KCNK13: variants seen among roughly 807,000 people sequenced by gnomAD.
The protein encoded by KCNK13 is potassium channel subfamily K member 13.
A neutral mutation model predicts 23.4 loss-of-function variants in KCNK13; 12 were observed. That is an observed-to-expected ratio of 0.51 (90% CI 0.33 to 0.83). The LOEUF (loss-of-function observed/expected upper bound fraction) is 0.83. Among genes scored for constraint, KCNK13 ranks in the 40% least tolerant of loss-of-function variants. KCNK13 has a pLI of 0.02. For missense variants in KCNK13, 463 were observed against 556.3 expected, an observed-to-expected ratio of 0.83 and a Z score of 1.69; for synonymous variants, 231 against 229.5, an observed-to-expected ratio of 1.01 and a Z score of -0.06.
chr14:90,170,913 G>C (rs1477432670), intron 1 of KCNK13, among the ~76,000 whole-genome samples: 1 of 152,136 alleles, frequency 6.6e-6, no homozygotes, highest in Non-Finnish European at 1.5e-5. Flanking sequence ...AGCTCACTAG[G>C]AATTTCCTTG....
chr14:90,099,383 A>G (rs1889448735), intron 1 of KCNK13, among the ~76,000 whole-genome samples: 1 of 152,098 alleles, frequency 6.6e-6, no homozygotes, highest in Non-Finnish European at 1.5e-5. Context: ...GGCTTTGTCA[A>G]TGTCCCAAAT....
At chr14:90,124,497 T>C (rs890566959) in intron 1 of KCNK13, among the ~76,000 whole-genome samples, 1 of 152,172 alleles carries the variant, frequency 6.6e-6, no homozygotes, top group Non-Finnish European at 1.5e-5. Context: ...GCCTTTTAGA[T>C]AGAGAAAGAG....
At chr14:90,180,547 T>G (rs1159998313) in intron 1 of KCNK13, among the ~76,000 whole-genome samples, 1 of 152,186 alleles carries the variant, frequency 6.6e-6, no homozygotes, top group East Asian at 1.9e-4. Flanking sequence ...TTCTGTTATT[T>G]TTGCTGATAG....
Position 90,062,286 on chromosome 14 carries a change from C to T in KCNK13, c.81C>T (p.Ile27=), listed in dbSNP as rs1409401164. ...NARFLLLAAL[I]VLYLLGGAAV... ...GCTTTCTGCTGCTGGCCGCGCTCAT[C>T]GTGCTCTACCTGCTGGGCGGCGCCG... The change falls in exon 1 of 2, where the codon ATC becomes ATT. Residue 27 remains isoleucine (I), a synonymous_variant. Coordinates refer to ENST00000282146, the MANE Select transcript of KCNK13 (RefSeq NM_022054.4). The surrounding 1 kb of genome is among the most constrained non-coding windows in gnomAD (Gnocchi z 4.5). 1 of 1,563,102 alleles carries T rather than the reference C, an allele frequency of 6.4e-7. No individual in the cohort carries two copies. Among genetic ancestry groups the T allele is most frequent in the South Asian group, 1.2e-5 (1 of 86,080 alleles).
rs992657565 is a variant in KCNK13, at chr14:90,125,750, C to T, written c.335-58361C>T. Among the ~76,000 whole-genome samples the T allele has an allele frequency of 3.9e-5, 6 of 152,142 alleles. No homozygotes were observed. The East Asian group carries it at 7.7e-4, about 20-fold the overall frequency. On this transcript the variant is annotated intron_variant, in intron 1 of 1. Transcript: ENST00000282146. ...AAGTAAATTAAAGTTGGGTCAGGCA[C>T]AGGAGTTCACACCTGTAATCCCAGC...
intron 1 of KCNK13, among the ~76,000 whole-genome samples, chr14:90,139,839 G>C (rs1354411398): frequency 1.3e-5 from 2 of 152,160 alleles, no homozygotes; most frequent in Non-Finnish European, 2.9e-5. Flanking sequence ...GCACACGCCT[G>C]TAGTCCCACC....
chr14:90,163,521 T>G lies in KCNK13; in HGVS notation c.335-20590T>G, dbSNP rs533907294. On this transcript the variant is annotated intron_variant, in intron 1 of 1. Transcript: ENST00000282146. ...CAATGGATAACAATGACTTCACCCT[T>G]TCTTAGCCACATGCTTGAGCCACCA... Among the ~76,000 whole-genome samples, 3 of 152,230 alleles carry G rather than the reference T, an allele frequency of 2.0e-5. No homozygotes were observed. In the East Asian group the frequency reaches 5.8e-4, roughly 29 times the overall value.
intron 1 of KCNK13, among the ~76,000 whole-genome samples, chr14:90,095,027 G>A (rs2140403085): frequency 6.6e-6 from 1 of 152,244 alleles, no homozygotes; most frequent in Non-Finnish European, 1.5e-5. Context: ...AACCATTTTG[G>A]TGAAAGCATT....
At chr14:90,067,992 G>A (rs1210439648) in intron 1 of KCNK13, among the ~76,000 whole-genome samples, 4 of 152,216 alleles carry the variant, frequency 2.6e-5, no homozygotes, top group Middle Eastern at 3.4e-3. Flanking sequence ...TTCACTGTGG[G>A]TGCTGGTGAT....
chr14:90,155,584 G>A (rs1890184132), intron 1 of KCNK13, among the ~76,000 whole-genome samples: 1 of 152,162 alleles, frequency 6.6e-6, no homozygotes, highest in African/African-American at 2.4e-5. Context: ...GACTGGAGAG[G>A]TAGCAGGAAA....
chr14:90,072,697 C>A (rs1375695204), intron 1 of KCNK13, among the ~76,000 whole-genome samples: 1 of 152,172 alleles, frequency 6.6e-6, no homozygotes, highest in Non-Finnish European at 1.5e-5. Context: ...CTGATTTCTG[C>A]GACTACACAT....
intron 1 of KCNK13, among the ~76,000 whole-genome samples, chr14:90,176,538 A>G (rs1295669985): frequency 6.6e-6 from 1 of 152,026 alleles, no homozygotes; most frequent in Non-Finnish European, 1.5e-5. Flanking sequence ...ATTCTTTTGT[A>G]GTTTCATCCC....
At chr14:90,179,324 CT>C (rs35775360) in intron 1 of KCNK13, among the ~76,000 whole-genome samples, 3,696 of 147,008 alleles carry the variant, frequency 0.025, 87 homozygotes, top group African/African-American at 0.056. Flanking sequence ...AAAGCTTTTA[CT>C]TTTTTTTTTT....
At chr14:90,101,335 T>C (rs1889474341) in intron 1 of KCNK13, among the ~76,000 whole-genome samples, 1 of 152,174 alleles carries the variant, frequency 6.6e-6, no homozygotes, top group Admixed American at 6.5e-5. Flanking sequence ...TCTCCACTCA[T>C]ATCTTGTCCC....
chr14:90,182,444 G>A (rs998678914), intron 1 of KCNK13, among the ~76,000 whole-genome samples: 1 of 152,146 alleles, frequency 6.6e-6, no homozygotes. Context: ...GGTGACAAGT[G>A]GGGTATTATC....
chr14:90,136,211 C>G (rs1242262070), intron 1 of KCNK13, among the ~76,000 whole-genome samples: 1 of 152,086 alleles, frequency 6.6e-6, no homozygotes, highest in Non-Finnish European at 1.5e-5. Flanking sequence ...CATTTCATGC[C>G]TCTGGCCTGC....
intron 1 of KCNK13, among the ~76,000 whole-genome samples, chr14:90,070,655 TTCC>T (rs1451192427): frequency 6.6e-6 from 1 of 152,258 alleles, no homozygotes; most frequent in Non-Finnish European, 1.5e-5. Context: ...TTAAATCTTT[TTCC>T]ATCCAGATTC....
At chr14:90,141,623 A>G (rs911645690) in intron 1 of KCNK13, among the ~76,000 whole-genome samples, 2 of 151,494 alleles carry the variant, frequency 1.3e-5, no homozygotes, top group Non-Finnish European at 2.9e-5. Flanking sequence ...ACACCTGGCT[A>G]ATTTTGGTAT....
chr14:90,128,065 T>C (rs1045612374), intron 1 of KCNK13, among the ~76,000 whole-genome samples: 5 of 152,084 alleles, frequency 3.3e-5, no homozygotes, highest in Admixed American at 6.6e-5. Context: ...CACAATAGGA[T>C]TGGAGGCAAT....
Sources: allele counts gnomAD v4.1 joint callset (sites outside exome capture counted in the v4.1 genomes callset), GRCh38; gene constraint gnomAD v4.1.1; non-coding constraint Gnocchi (gnomAD v3.1); transcripts MANE v1.5; gene names NCBI Gene and HGNC (gene_info 2026-07-23, HGNC 2026-07-21).